The following ZNF280D variants were observed in gnomAD, a reference collection of about 807,000 sequenced individuals.
ZNF280D encodes suppressor of hairy wing homolog 4.
A neutral mutation model predicts 94.7 loss-of-function variants in ZNF280D; 39 were observed. The ratio of observed to expected loss-of-function variants is 0.41; its 90% CI spans 0.32 to 0.54. The LOEUF (loss-of-function observed/expected upper bound fraction) is 0.54. Among genes scored for constraint, ZNF280D ranks in the 20% least tolerant of loss-of-function variants. ZNF280D has a pLI of 0.22. For missense variants in ZNF280D, 1,090 were observed against 1,149.3 expected (o/e 0.95, Z 0.75); for synonymous variants, 398 against 377.6 (o/e 1.05, Z -0.63).
At chr15:56,696,295 AAAT>A (rs1215831507) in intron 6 of ZNF280D, among the ~76,000 whole-genome samples, 1 of 152,226 alleles carries the variant, frequency 6.6e-6, no homozygotes, top group East Asian at 1.9e-4. Flanking sequence ...TTTCAAACTG[AAAT>A]AATAATCACA....
chr15:56,668,128 T>A, intron 14 of ZNF280D: 1 of 455,250 alleles, frequency 2.2e-6, no homozygotes, highest in South Asian at 1.6e-5. Flanking sequence ...ATAACAGACA[T>A]ACCCACATTC....
In ZNF280D at chr15:56,706,939, G is replaced by C; in HGVS notation, c.28+143C>G. On this transcript the variant is annotated intron_variant, in intron 3 of 21. Transcript: ENST00000267807. The stretch of plus-strand genomic sequence containing the variant: ...ACTCACTTTTTTATTTATATTACTT[G>C]TTTTTATGTGAACATTTGTTACTTT... 1.2e-5 allele frequency: 9 copies of C among 720,798 alleles called. 1 individual carries two copies. In the South Asian group the frequency reaches 1.6e-4, roughly 13 times the overall value. The allele number at this position is 720,798 out of a possible 1,614,324, so 44.7% of individuals were successfully genotyped here.
At chr15:56,722,579 C>G (rs1461647947) in intron 1 of ZNF280D, among the ~76,000 whole-genome samples, 1 of 152,132 alleles carries the variant, frequency 6.6e-6, no homozygotes, top group Non-Finnish European at 1.5e-5. Context: ...CAGGAAACAA[C>G]AGGTGCTGGA....
At position 56,689,042 on chromosome 15, in the gene ZNF280D, T is replaced by C. The variant is rs1282924226; in HGVS notation, c.779A>G (p.Lys260Arg). 1 of 1,592,128 alleles carries C rather than the reference T, an allele frequency of 6.3e-7. No homozygotes were observed. The highest frequency in any genetic ancestry group is 8.5e-7 in the Non-Finnish European group (1 of 1,170,078). ...AATTAAATTTTGAAAGAGTTTTACC[T>C]TCATGTGATTTTTCAAAGGATCCAA... ...NLLDPLKNHM[K>R]YCCPDMINNF... Residue 260 changes from lysine (K) to arginine (R), a missense_variant and splice_region_variant, in exon 9 of 22, where the codon AAG (lysine) becomes AGG (arginine). This residue lies in a region of ZNF280D where 386 missense variants were observed against 372.0 expected (regional missense o/e 1.04). Coordinates refer to ENST00000267807, the MANE Select transcript of ZNF280D (RefSeq NM_017661.4).
intron 9 of ZNF280D, among the ~76,000 whole-genome samples, chr15:56,687,456 G>A (rs1159857117): frequency 6.6e-6 from 1 of 151,974 alleles, no homozygotes; most frequent in Non-Finnish European, 1.5e-5. Flanking sequence ...GAACACTCAT[G>A]TTTACTTGTA....
At chr15:56,720,110 G>A (rs946063777) in intron 1 of ZNF280D, among the ~76,000 whole-genome samples, 5 of 152,078 alleles carry the variant, frequency 3.3e-5, no homozygotes, top group Admixed American at 6.6e-5. Context: ...GGTAGCATAC[G>A]ATGCTGTTTG....
rs1303800737 is a variant in ZNF280D at position 56,630,946 on chromosome 15, C to T, written c.*552G>A. 2.0e-5 allele frequency: 3 copies of T among 152,604 alleles called. No homozygotes were observed. Among genetic ancestry groups the T allele is most frequent in the African/African-American group, 4.8e-5 (2 of 41,422 alleles). 9.5% of individuals were successfully genotyped at this position (152,604 alleles called of 1,614,324 possible). On this transcript the variant is annotated 3_prime_UTR_variant, in exon 22 of 22. Coordinates refer to ENST00000267807, the MANE Select transcript of ZNF280D (RefSeq NM_017661.4). ...TTAAATCCAAAATTAAGTTTATGTT[C>T]ATCCAAATTCTCATTAGATCAATTT...
intron 9 of ZNF280D, among the ~76,000 whole-genome samples, chr15:56,687,188 G>C (rs2056083498): frequency 6.6e-6 from 1 of 151,930 alleles, no homozygotes; most frequent in Non-Finnish European, 1.5e-5. Context: ...CACATACACT[G>C]TTCATATTAT....
chr15:56,712,904 C>A (rs2057848034), intron 1 of ZNF280D, among the ~76,000 whole-genome samples: 1 of 151,898 alleles, frequency 6.6e-6, no homozygotes, highest in Non-Finnish European at 1.5e-5. Context: ...TCATGCCCAA[C>A]TAATTTTGTA....
chr15:56,667,094 T>C (rs1481924399), intron 14 of ZNF280D, 108 bp from the exon 15 acceptor site: 3 of 787,660 alleles, frequency 3.8e-6, no homozygotes, highest in South Asian at 2.6e-5. Flanking sequence ...AAAAAGCACA[T>C]ATAAACTACA....
At chr15:56,669,959 ATATTATAT>A (rs2054689873) in intron 13 of ZNF280D, among the ~76,000 whole-genome samples, 2 of 3,640 alleles carry the variant, frequency 5.5e-4, no homozygotes, top group Admixed American at 0.02. Context: ...TTATATATAT[ATATTATAT>A]ATATATAATA....
intron 14 of ZNF280D, among the ~76,000 whole-genome samples, chr15:56,668,530 C>A (rs1014938950): frequency 6.6e-6 from 1 of 152,184 alleles, no homozygotes; most frequent in East Asian, 1.9e-4. Context: ...AACATATACA[C>A]TTTCAACTGA....
rs1190808155 is a variant in ZNF280D at position 56,658,615 on chromosome 15, T to G, written c.1995-129A>C. ...GATTATAATGTAAATAATAAAATAA[T>G]GCCTGTCACTTCCATTTAATTCAAT... On this transcript the variant is annotated intron_variant, in intron 16 of 21. Transcript: ENST00000267807. 3 of 586,810 alleles carry G rather than the reference T, an allele frequency of 5.1e-6. No homozygotes were observed. In the African/African-American group the frequency reaches 5.9e-5, roughly 11 times the overall value. 36.4% of individuals were successfully genotyped at this position (586,810 alleles called of 1,614,324 possible). A position where few individuals can be genotyped will look rare whatever the true frequency, so the allele number is the denominator to read the frequency against.
chr15:56,669,406 G>T (rs1313297797), intron 13 of ZNF280D, among the ~76,000 whole-genome samples: 1 of 151,844 alleles, frequency 6.6e-6, no homozygotes, highest in Non-Finnish European at 1.5e-5. Flanking sequence ...TTCAAAGAAG[G>T]TTATTTTATA....
intron 19 of ZNF280D, chr15:56,652,533 T>C: frequency 1.5e-6 from 1 of 647,806 alleles, no homozygotes. Context: ...ATAAAAAGTT[T>C]AGATCTATAT....
At position 56,689,411 on chromosome 15, in the gene ZNF280D, T is replaced by A. The variant is rs1386534784; in HGVS notation, c.559A>T (p.Asn187Tyr). The stretch of plus-strand genomic sequence containing the variant: ...TCGCTGGGTTTAGGCTTCTTTGGAT[T>A]AACATTATTTACTTCAGAAGTAGAA... Reference protein sequence around the residue: ...RPSTSEVNNVNPKKPKPSESV... With the variant: ...RPSTSEVNNVYPKKPKPSESV... Residue 187 changes from asparagine to tyrosine, a missense_variant, in exon 8 of 22, where the codon AAT becomes TAT. This residue lies in a region of ZNF280D where 386 missense variants were observed against 372.0 expected (regional missense o/e 1.04). Transcript: ENST00000267807. The A allele has an allele frequency of 1.9e-6, 3 of 1,595,414 alleles. No homozygotes were observed. The highest frequency in any genetic ancestry group is 2.6e-6 in the Non-Finnish European group (3 of 1,170,888).
rs375282902 is a variant in ZNF280D at position 56,704,040 on chromosome 15, C to G, written c.175+81G>C. ...CTTTACAGTGGAACATGAACATCAA[C>G]TACCTATTAAACAGTTCACAAGTTT... is the stretch of plus-strand genomic sequence containing the variant. On this transcript the variant is annotated intron_variant, in intron 4 of 21. Transcript: ENST00000267807. The G allele has an allele frequency of 4.5e-4, 662 of 1,465,312 alleles. 9 individuals are homozygous for G. The South Asian group carries it at 6.7e-3, about 15-fold the overall frequency. The allele number at this position is 1,465,312 out of a possible 1,614,324, so 90.8% of individuals were successfully genotyped here.
At chr15:56,722,505 A>G (rs116941760) in intron 1 of ZNF280D, among the ~76,000 whole-genome samples, 12 of 152,362 alleles carry the variant, frequency 7.9e-5, no homozygotes, top group Non-Finnish European at 1.2e-4. Flanking sequence ...AAAAGCAGGA[A>G]CAACCCAAAT....
chr15:56,700,279 G>T (rs1668086430), intron 6 of ZNF280D: 5 of 644,320 alleles, frequency 7.8e-6, no homozygotes, highest in Non-Finnish European at 9.6e-6. Context: ...CCAGCTTTGG[G>T]ATCTTGAATA....
Sources: gnomAD v4.1 joint callset for allele counts (sites outside exome capture counted in the v4.1 genomes callset) on GRCh38, gnomAD v4.1.1 for gene constraint, gnomAD v4.1.1 regional missense constraint, MANE v1.5 for transcripts, NCBI Gene and HGNC (gene_info 2026-07-23, HGNC 2026-07-21) for gene names.